SCHIP1: variants seen among roughly 807,000 people sequenced by gnomAD.
SCHIP1 encodes the protein schwannomin-interacting protein 1.
In SCHIP1, 8 loss-of-function variants were observed where a neutral mutation model predicts 29.7. The observed-to-expected ratio is 0.27, with a 90% CI of 0.16 to 0.49. The LOEUF is 0.49. SCHIP1 is among the 20% of genes least tolerant of loss of function. The pLI, the probability that SCHIP1 is intolerant of heterozygous loss-of-function variation, is 0.99. For missense variants in SCHIP1, 193 were observed against 294.6 expected, an observed-to-expected ratio of 0.66 and a Z score of 2.52; for synonymous variants, 76 against 94.9, an observed-to-expected ratio of 0.80 and a Z score of 1.16.
chr3:159,506,738 T>G, the SCHIP1 span, among the ~76,000 whole-genome samples: 36 of 152,274 alleles, frequency 2.4e-4, no homozygotes, highest in African/African-American at 6.3e-4. Flanking sequence ...TCTCCCCATT[T>G]CTTGTTTTTC....
At chr3:159,598,485 G>A in the SCHIP1 span, among the ~76,000 whole-genome samples, 1 of 152,142 alleles carries the variant, frequency 6.6e-6, no homozygotes, top group South Asian at 2.1e-4. Context: ...AATCCAGTGG[G>A]ACAGTCATTA....
the SCHIP1 span, chr3:159,768,611 CTT>C: frequency 6.6e-6 from 1 of 152,308 alleles, no homozygotes; most frequent in African/African-American, 2.4e-5. Flanking sequence ...TAATCTCTCT[CTT>C]GGTATCTGTG....
At chr3:159,567,464 A>G in the SCHIP1 span, among the ~76,000 whole-genome samples, 5 of 152,006 alleles carry the variant, frequency 3.3e-5, no homozygotes, top group Admixed American at 6.6e-5. Flanking sequence ...TAGTTTTTAT[A>G]CTTAGGAATT....
the SCHIP1 span, among the ~76,000 whole-genome samples, chr3:159,518,760 T>C: frequency 5.9e-5 from 9 of 152,142 alleles, no homozygotes; most frequent in Admixed American, 5.2e-4. Flanking sequence ...CTTTAGACTT[T>C]AGGCATCTTT....
chr3:159,802,459 G>T, the SCHIP1 span, among the ~76,000 whole-genome samples: 1 of 152,314 alleles, frequency 6.6e-6, no homozygotes, highest in East Asian at 1.9e-4. Flanking sequence ...TCATAAAATT[G>T]CCAGCTACAG....
the SCHIP1 span, among the ~76,000 whole-genome samples, chr3:159,665,913 T>A: frequency 1.3e-5 from 2 of 152,186 alleles, no homozygotes. Context: ...CCTGCTCAGG[T>A]TAGGCGTCTC....
the SCHIP1 span, among the ~76,000 whole-genome samples, chr3:159,766,882 C>T: frequency 1.3e-5 from 2 of 152,150 alleles, no homozygotes; most frequent in Non-Finnish European, 2.9e-5. Context: ...CCCAACGCAT[C>T]TTCTGGTTAT....
At chr3:159,389,742 G>T in the SCHIP1 span, among the ~76,000 whole-genome samples, 2 of 152,058 alleles carry the variant, frequency 1.3e-5, no homozygotes, top group South Asian at 2.1e-4. Context: ...GGCAAAAGAG[G>T]TTTCTGGATA....
At chr3:159,775,882 C>T in the SCHIP1 span, among the ~76,000 whole-genome samples, 83 of 152,166 alleles carry the variant, frequency 5.5e-4, no homozygotes, top group Non-Finnish European at 1.0e-3. Flanking sequence ...CTAAGATCTC[C>T]GGCAGTGTTG....
the SCHIP1 span, among the ~76,000 whole-genome samples, chr3:159,705,987 G>A: frequency 6.6e-6 from 1 of 152,162 alleles, no homozygotes; most frequent in African/African-American, 2.4e-5. Context: ...TTACAGGTGT[G>A]AGCCACCGCA....
chr3:159,375,380 G>C, the SCHIP1 span, among the ~76,000 whole-genome samples: 1 of 152,238 alleles, frequency 6.6e-6, no homozygotes, highest in African/African-American at 2.4e-5. Flanking sequence ...ATTCCAGCTA[G>C]AGAATACAGC....
At chr3:159,845,707 G>A (rs1358065433) in intron 1 of SCHIP1, 1 of 152,042 alleles carries the variant, frequency 6.6e-6, no homozygotes, top group African/African-American at 2.4e-5. Flanking sequence ...GAAGACAAGG[G>A]GCCTTCTTTA....
the SCHIP1 span, among the ~76,000 whole-genome samples, chr3:159,317,470 C>A: frequency 6.6e-6 from 1 of 152,120 alleles, no homozygotes; most frequent in Admixed American, 6.5e-5. Flanking sequence ...CCACTTCCAC[C>A]CATTGATTCC....
chr3:159,693,203 A>C, the SCHIP1 span, among the ~76,000 whole-genome samples: 12 of 152,340 alleles, frequency 7.9e-5, no homozygotes, highest in African/African-American at 2.9e-4. Context: ...GACAATTCAA[A>C]AATGACTCAG....
At chr3:159,500,971 T>A in the SCHIP1 span, among the ~76,000 whole-genome samples, 1 of 152,190 alleles carries the variant, frequency 6.6e-6, no homozygotes, top group South Asian at 2.1e-4. Context: ...TTCTTTTTAA[T>A]AAATTGCTTT....
the SCHIP1 span, chr3:159,763,793 C>G: frequency 6.6e-6 from 1 of 152,340 alleles, no homozygotes; most frequent in Non-Finnish European, 1.5e-5. Context: ...GCCGAGAGCG[C>G]CCCCCACCCC....
At chr3:159,656,625 T>C in the SCHIP1 span, among the ~76,000 whole-genome samples, 1 of 152,208 alleles carries the variant, frequency 6.6e-6, no homozygotes, top group Non-Finnish European at 1.5e-5. Flanking sequence ...GGTTTTCTCA[T>C]CTGAATTACG....
the SCHIP1 span, among the ~76,000 whole-genome samples, chr3:159,769,989 T>G: frequency 6.6e-6 from 1 of 152,202 alleles, no homozygotes; most frequent in African/African-American, 2.4e-5. Flanking sequence ...AACCAACTGA[T>G]CTGATTTCTA....
chr3:159,385,212 T>C, the SCHIP1 span, among the ~76,000 whole-genome samples: 2 of 152,168 alleles, frequency 1.3e-5, no homozygotes, highest in Admixed American at 1.3e-4. Context: ...CCTAATAAGA[T>C]CACACCAGTT....
Sources: allele counts gnomAD v4.1 joint callset (sites outside exome capture counted in the v4.1 genomes callset), GRCh38; gene constraint gnomAD v4.1.1; transcripts MANE v1.5; gene names NCBI Gene and HGNC (gene_info 2026-07-23, HGNC 2026-07-21).